Variants in HSPA12B observed in about 807,000 individuals in gnomAD.
HSPA12B encodes heat shock protein family A (Hsp70) member 12B.
HSPA12B carries 54 observed loss-of-function variants against 69.3 expected under a neutral mutation model. That is an observed-to-expected ratio of 0.78 (90% CI 0.63 to 0.98). HSPA12B has a LOEUF of 0.98. Among genes scored for constraint, HSPA12B ranks in the 50% least tolerant of loss-of-function variants. HSPA12B has a pLI of 0.00. For missense variants in HSPA12B, 929 were observed against 999.8 expected (o/e 0.93, Z 0.96); for synonymous variants, 441 against 436.5 (o/e 1.01, Z -0.13).
chr20:3,750,670 C>T, intron 11 of HSPA12B, 134 bp from the exon 12 acceptor site: 1 of 1,559,896 alleles, frequency 6.4e-7, no homozygotes, highest in Non-Finnish European at 8.7e-7. Flanking sequence ...TCCAGTCCTC[C>T]AGACACCACG....
chr20:3,749,210 C>T lies in HSPA12B; in HGVS notation c.851-22C>T. On this transcript the variant is annotated intron_variant, in intron 8 of 12. Transcript: ENST00000254963. The surrounding 1 kb of genome is among the most constrained non-coding windows in gnomAD (Gnocchi z 5.5). ...GGAGCACCTCCTTCTAATCTCACTCCCTGCTGTCTCCTGACCCCCAGCTCG... is the reference window on the plus strand; with the variant it reads ...GGAGCACCTCCTTCTAATCTCACTCTCTGCTGTCTCCTGACCCCCAGCTCG... The T allele has an allele frequency of 3.1e-6, 5 of 1,605,594 alleles. No homozygotes were observed. Among genetic ancestry groups the T allele is most frequent in the Non-Finnish European group, 4.3e-6 (5 of 1,175,204 alleles).
Position 3,742,311 on chromosome 20 carries a change from GCCT to G in HSPA12B, c.173_175del (p.Ser58del). 1 of 1,614,128 alleles carries G rather than the reference GCCT, an allele frequency of 6.2e-7. No homozygotes were observed. The highest frequency in any genetic ancestry group is 8.5e-7 in the Non-Finnish European group (1 of 1,179,952). On this transcript the variant is annotated inframe_deletion, in exon 4 of 13. Coordinates refer to ENST00000254963, the MANE Select transcript of HSPA12B (RefSeq NM_052970.5). ...ACCCGAGGTCCGAGCCCCCCAGCAG[GCCT>G]CCTTCTCTGTGGTGGTGGCCATTGA... is the stretch of plus-strand genomic sequence containing the variant.
chr20:3,746,365 T>C (rs906405174), intron 7 of HSPA12B, among the ~76,000 whole-genome samples: 3 of 124,094 alleles, frequency 2.4e-5, no homozygotes, highest in Non-Finnish European at 4.8e-5. Flanking sequence ...CGCAGTGGCG[T>C]GATCTCGGCT....
At chr20:3,734,014 G>A (rs556251583) in intron 1 of HSPA12B, among the ~76,000 whole-genome samples, 32 of 152,330 alleles carry the variant, frequency 2.1e-4, no homozygotes, top group African/African-American at 7.5e-4. Context: ...GTCAGGCAAA[G>A]GGTTGGGCCC....
chr20:3,752,111 T>A lies in HSPA12B; in HGVS notation c.2006T>A (p.Val669Asp), dbSNP rs1443666103. 1.3e-6 allele frequency: 2 copies of A among 1,506,064 alleles called. No homozygotes were observed. The highest frequency in any genetic ancestry group is 2.5e-5 in the South Asian group (2 of 78,916). The allele number at this position is 1,506,064 out of a possible 1,614,324, so 93.3% of individuals were successfully genotyped here. The change falls in exon 13 of 13, where the codon GTC becomes GAC. Residue 669 changes from valine (V) to aspartate (D), a missense_variant. Transcript: ENST00000254963. The stretch of plus-strand genomic sequence containing the variant: ...GACACCGAAATTAAGGTCACCGCCG[T>A]CGACGTCAGCACCAATCGCTCCGTG... ...FGDTEIKVTAVDVSTNRSVRA... is the reference protein window; with the variant it reads ...FGDTEIKVTADDVSTNRSVRA...
At position 3,752,345 on chromosome 20, in the gene HSPA12B, GGCT is replaced by G; in HGVS notation, c.*180_*182del. 1 of 583,294 alleles carries G rather than the reference GGCT, an allele frequency of 1.7e-6. No homozygotes were observed. The highest frequency in any genetic ancestry group is 3.5e-5 in the South Asian group (1 of 28,784). The allele number at this position is 583,294 out of a possible 1,614,324, so 36.1% of individuals were successfully genotyped here. ...GTGGGTGGGGACACACCCAGAGACT[GGCT>G]TTGGGATTGGGCACTGGTCCGCTGA... On this transcript the variant is annotated 3_prime_UTR_variant, in exon 13 of 13. Transcript: ENST00000254963.
chr20:3,749,695 C>A lies in HSPA12B; in HGVS notation c.938-55C>A. ...AGGCTGGGCGAGGCTGGAGGGGGCG[C>A]AGGGCTGAGGGTGCGAGGCCGCCCA... On this transcript the variant is annotated intron_variant, in intron 9 of 12. Transcript: ENST00000254963. This position sits in a 1 kb window ranked among gnomAD's most constrained non-coding sequence, Gnocchi z 5.5. 7.7e-7 allele frequency: 1 copy of A among 1,304,382 alleles called. No homozygotes were observed. Among genetic ancestry groups the A allele is most frequent in the Non-Finnish European group, 1.1e-6 (1 of 946,070 alleles). The allele number at this position is 1,304,382 out of a possible 1,614,324, so 80.8% of individuals were successfully genotyped here. A position where few individuals can be genotyped will look rare whatever the true frequency, so the allele number is the denominator to read the frequency against.
intron 11 of HSPA12B, chr20:3,750,557 AG>A: frequency 1.7e-6 from 1 of 581,362 alleles, no homozygotes; most frequent in Non-Finnish European, 2.2e-6. Context: ...CACCAAAGCA[AG>A]GGGAGGCCCC....
rs2146592361 is a variant in HSPA12B, at chr20:3,750,888, C to T, written c.1386C>T (p.Ser462=). The T allele has an allele frequency of 3.7e-6, 6 of 1,613,824 alleles. No individual in the cohort carries two copies. In the East Asian group the frequency reaches 1.1e-4, roughly 30 times the overall value. The change falls in exon 12 of 13, where the codon AGC becomes AGT. Residue 462 remains serine, a synonymous_variant. Transcript: ENST00000254963. Reference sequence around the variant, plus strand: ...ACGAGCTCTTTCAGCCCACCGTCAGCGGGATCATCCAGCACATAGGTGAGC... The same window carrying T: ...ACGAGCTCTTTCAGCCCACCGTCAGTGGGATCATCCAGCACATAGGTGAGC... ...AMNELFQPTV[S]GIIQHIEALL... is the part of the protein sequence containing the mutation.
Position 3,751,774 on chromosome 20 carries a change from C to T in HSPA12B, c.1669C>T (p.Pro557Ser), listed in dbSNP as rs757731423. The change falls in exon 13 of 13, where the codon CCG (proline) becomes TCG (serine). Residue 557 changes from proline (P) to serine (S), a missense_variant. Transcript: ENST00000254963. Reference protein sequence around the residue: ...VLNRFVPGRHPPEKLLVRDGR... With the variant: ...VLNRFVPGRHSPEKLLVRDGR... ...CAACCGCTTTGTGCCTGGGCGCCAC[C>T]CGCCCGAAAAGCTGCTGGTTCGCGA... is the stretch of plus-strand genomic sequence containing the variant. 4 of 1,526,502 alleles carry T rather than the reference C, an allele frequency of 2.6e-6. No homozygotes were observed. The South Asian group carries it at 4.8e-5, about 18-fold the overall frequency. 94.6% of individuals were successfully genotyped at this position (1,526,502 alleles called of 1,614,324 possible). A position where few individuals can be genotyped will look rare whatever the true frequency, so the allele number is the denominator to read the frequency against.
At chr20:3,741,405 G>A (rs1315340676) in intron 3 of HSPA12B, among the ~76,000 whole-genome samples, 1 of 152,132 alleles carries the variant, frequency 6.6e-6, no homozygotes, top group South Asian at 2.1e-4. Context: ...GCCGAGGTGG[G>A]CAGATTGCTT....
At chr20:3,747,170 T>C (rs2088322016) in intron 7 of HSPA12B, among the ~76,000 whole-genome samples, 1 of 152,152 alleles carries the variant, frequency 6.6e-6, no homozygotes, top group African/African-American at 2.4e-5. Context: ...CAAGACTCAT[T>C]GCTTGGTCGT....
Position 3,749,308 on chromosome 20 carries a change from G to T in HSPA12B, c.927G>T (p.Glu309Asp). ...CAGGCGTAGGAGAGCTGTGGGCAGA[G>T]ATGCAAGCAGGTAGGGGGAAAGGGG... ...VESGVGELWA[E>D]MQAGDRYVVA... The change falls in exon 9 of 13, where the codon GAG (glutamate) becomes GAT (aspartate). Residue 309 changes from glutamate (E) to aspartate (D), a missense_variant. Coordinates refer to ENST00000254963, the MANE Select transcript of HSPA12B (RefSeq NM_052970.5). This position sits in a 1 kb window ranked among gnomAD's most constrained non-coding sequence, Gnocchi z 5.5. 6.2e-7 allele frequency: 1 copy of T among 1,613,400 alleles called. No homozygotes were observed. The highest frequency in any genetic ancestry group is 8.5e-7 in the Non-Finnish European group (1 of 1,179,750).
chr20:3,749,660 GC>G lies in HSPA12B; in HGVS notation c.938-89del. 1 of 972,242 alleles carries G rather than the reference GC, an allele frequency of 1.0e-6. No individual in the cohort carries two copies. The highest frequency in any genetic ancestry group is 1.5e-6 in the Non-Finnish European group (1 of 663,926). The allele number at this position is 972,242 out of a possible 1,614,324, so 60.2% of individuals were successfully genotyped here. ...CTGCAGACAGGCCTTGGGACCCGGG[GC>G]AGGGCTGGAGGCTGGGCGAGGCTGG... On this transcript the variant is annotated intron_variant, in intron 9 of 12. Coordinates refer to ENST00000254963, the MANE Select transcript of HSPA12B (RefSeq NM_052970.5). The surrounding 1 kb of genome is among the most constrained non-coding windows in gnomAD (Gnocchi z 5.5).
In HSPA12B at chr20:3,740,372, C is replaced by G. The variant is rs573668870; in HGVS notation, c.44-443C>G. Among the ~76,000 whole-genome samples, 1 of 152,204 alleles carries G rather than the reference C, an allele frequency of 6.6e-6. No homozygotes were observed. Among genetic ancestry groups the G allele is most frequent in the South Asian group, 2.1e-4 (1 of 4,816 alleles). ...CCAACTTTAGGGTGGAGGGGAGCAA[C>G]CCCACCTCCTAGCCAGTTAGCTCTG... On this transcript the variant is annotated intron_variant, in intron 2 of 12. Transcript: ENST00000254963. The surrounding 1 kb of genome is among the most constrained non-coding windows in gnomAD (Gnocchi z 4.9).
chr20:3,749,933 G>A lies in HSPA12B; in HGVS notation c.1043-36G>A. Reference sequence around the variant, plus strand: ...CCACTGCCCCCTGGCGGCCCGGCGAGCGCTGACGCCCTCTTCGCCCCCTGC... The same window carrying A: ...CCACTGCCCCCTGGCGGCCCGGCGAACGCTGACGCCCTCTTCGCCCCCTGC... On this transcript the variant is annotated intron_variant, in intron 10 of 12. Coordinates refer to ENST00000254963, the MANE Select transcript of HSPA12B (RefSeq NM_052970.5). The surrounding 1 kb of genome is among the most constrained non-coding windows in gnomAD (Gnocchi z 5.5). 6.5e-7 allele frequency: 1 copy of A among 1,547,316 alleles called. No homozygotes were observed. Among genetic ancestry groups the A allele is most frequent in the Non-Finnish European group, 8.7e-7 (1 of 1,144,056 alleles).
Position 3,750,852 on chromosome 20 carries a change from T to C in HSPA12B, c.1350T>C (p.Cys450=), listed in dbSNP as rs1199154582. 3.1e-6 allele frequency: 5 copies of C among 1,613,866 alleles called. No homozygotes were observed. The African/African-American group carries it at 6.7e-5, about 22-fold the overall frequency. ...WSSQGMLRMS[C]EAMNELFQPT... is the part of the protein sequence containing the mutation. ...CACAGGGGATGCTCCGAATGTCTTG[T>C]GAAGCCATGAACGAGCTCTTTCAGC... Residue 450 remains cysteine, a synonymous_variant, in exon 12 of 13, where the codon TGT becomes TGC. Transcript: ENST00000254963.
At chr20:3,750,512 C>T (rs2078716063) in intron 11 of HSPA12B, 2 of 259,676 alleles carry the variant, frequency 7.7e-6, no homozygotes, top group Admixed American at 6.5e-5. Flanking sequence ...ACCCCCACCC[C>T]GGGCCCTGCG....
At chr20:3,733,122 C>G (rs2088055710) in intron 1 of HSPA12B, among the ~76,000 whole-genome samples, 1 of 152,148 alleles carries the variant, frequency 6.6e-6, no homozygotes. Context: ...AACTGAGGGA[C>G]CCGGTGCCTA....
Sources: allele counts gnomAD v4.1 joint callset (sites outside exome capture counted in the v4.1 genomes callset), GRCh38; gene constraint gnomAD v4.1.1; non-coding constraint Gnocchi (gnomAD v3.1); transcripts MANE v1.5; gene names NCBI Gene and HGNC (gene_info 2026-07-23, HGNC 2026-07-21).